The following UGT8 variants were observed in gnomAD, a reference collection of about 807,000 sequenced individuals.
UGT8 encodes the protein 2-hydroxyacylsphingosine 1-beta-galactosyltransferase.
Under a neutral mutation model 40.5 loss-of-function variants are expected in UGT8, and 12 were observed. That is an observed-to-expected ratio of 0.30 (90% CI 0.19 to 0.48). UGT8 has a LOEUF of 0.48. Among genes scored for constraint, UGT8 ranks in the 20% least tolerant of loss-of-function variants. The pLI, the probability that UGT8 is intolerant of heterozygous loss-of-function variation, is 0.99. For missense variants in UGT8, 513 were observed against 648.7 expected, an observed-to-expected ratio of 0.79 and a Z score of 2.27; for synonymous variants, 224 against 240.4, an observed-to-expected ratio of 0.93 and a Z score of 0.63.
intron 1 of UGT8, among the ~76,000 whole-genome samples, chr4:114,610,546 T>G (rs1300596269): frequency 6.6e-6 from 1 of 152,164 alleles, no homozygotes; most frequent in Non-Finnish European, 1.5e-5. Context: ...TAAAGGAACA[T>G]CAAAGAAATT....
intron 5 of UGT8, among the ~76,000 whole-genome samples, chr4:114,669,067 C>G (rs72899458): frequency 0.027 from 4,081 of 152,104 alleles, 200 homozygotes; most frequent in African/African-American, 0.092. Flanking sequence ...GGGGATATGG[C>G]TTAACACTGA....
chr4:114,614,171 G>A (rs555181520), intron 1 of UGT8, among the ~76,000 whole-genome samples: 1 of 152,280 alleles, frequency 6.6e-6, no homozygotes, highest in East Asian at 1.9e-4. Flanking sequence ...GATAACTGCA[G>A]ATACTTGTGT....
chr4:114,612,040 A>G (rs571314026), intron 1 of UGT8, among the ~76,000 whole-genome samples: 1 of 152,258 alleles, frequency 6.6e-6, no homozygotes, highest in South Asian at 2.1e-4. Context: ...CACTTTTCTC[A>G]CATAATGAAA....
Position 114,675,279 on chromosome 4 carries a change from A to G in UGT8, c.1263-646A>G, listed in dbSNP as rs539622939. The stretch of plus-strand genomic sequence containing the variant: ...TCCTGGTTGAAACTTGTTGATTTAT[A>G]CTATTTAAAAGTATGTGGAGAGAAG... On this transcript the variant is annotated intron_variant, in intron 5 of 5. Coordinates refer to ENST00000310836, the MANE Select transcript of UGT8 (RefSeq NM_001128174.3). Among the ~76,000 whole-genome samples the G allele has an allele frequency of 1.1e-4, 16 of 152,288 alleles. No individual in the cohort carries two copies. The South Asian group carries it at 1.2e-3, about 12-fold the overall frequency.
intron 1 of UGT8, among the ~76,000 whole-genome samples, chr4:114,617,926 G>C (rs1476343848): frequency 1.3e-5 from 2 of 152,240 alleles, no homozygotes; most frequent in East Asian, 3.9e-4. Flanking sequence ...ACTTTTGGTA[G>C]AAATCTTTGA....
chr4:114,667,081 C>T (rs151088891), intron 4 of UGT8, among the ~76,000 whole-genome samples: 1 of 152,072 alleles, frequency 6.6e-6, no homozygotes, highest in Non-Finnish European at 1.5e-5. Flanking sequence ...AAATCCACTT[C>T]TAGGGCAGAT....
chr4:114,627,612 G>A (rs1019458170), intron 2 of UGT8, among the ~76,000 whole-genome samples: 2 of 152,116 alleles, frequency 1.3e-5, no homozygotes, highest in African/African-American at 4.8e-5. Context: ...TAATTGGAAA[G>A]TGATTTTAAT....
chr4:114,644,063 A>G (rs1446475797), intron 2 of UGT8, among the ~76,000 whole-genome samples: 1 of 152,206 alleles, frequency 6.6e-6, no homozygotes, highest in Non-Finnish European at 1.5e-5. Flanking sequence ...CACTGAAAAC[A>G]GTGACTGAAT....
chr4:114,673,608 T>C (rs187877270), intron 5 of UGT8, among the ~76,000 whole-genome samples: 4 of 152,352 alleles, frequency 2.6e-5, no homozygotes, highest in Admixed American at 2.6e-4. Flanking sequence ...ATCTGTTTAA[T>C]CTGTTTAATC....
chr4:114,663,123 G>A (rs779669489), intron 2 of UGT8, among the ~76,000 whole-genome samples: 1 of 151,794 alleles, frequency 6.6e-6, no homozygotes, highest in South Asian at 2.1e-4. Context: ...ATGCCTGGCC[G>A]TGATGATACT....
In UGT8 at chr4:114,643,458, G is replaced by T. The variant is rs1480789082; in HGVS notation, c.822+19756G>T. Among the ~76,000 whole-genome samples the T allele has an allele frequency of 2.0e-5, 3 of 152,206 alleles. No individual in the cohort carries two copies. The East Asian group carries it at 5.8e-4, about 29-fold the overall frequency. On this transcript the variant is annotated intron_variant, in intron 2 of 5. Coordinates refer to ENST00000310836, the MANE Select transcript of UGT8 (RefSeq NM_001128174.3). ...GTACTGATAAAGAGAAACTTATGGG[G>T]ATTAGAAAAAATGTTATATTATCAC...
At chr4:114,661,192 A>G (rs1734510224) in intron 2 of UGT8, among the ~76,000 whole-genome samples, 1 of 152,136 alleles carries the variant, frequency 6.6e-6, no homozygotes, top group Non-Finnish European at 1.5e-5. Context: ...AAAATTTGGT[A>G]TTTGACCAGG....
At chr4:114,666,024 C>A (rs1734847632) in intron 4 of UGT8, among the ~76,000 whole-genome samples, 1 of 151,992 alleles carries the variant, frequency 6.6e-6, no homozygotes, top group Admixed American at 6.6e-5. Context: ...TTTTAATTAT[C>A]TGGAAATTAT....
chr4:114,607,121 T>C (rs1465154562), intron 1 of UGT8, among the ~76,000 whole-genome samples: 1 of 152,208 alleles, frequency 6.6e-6, no homozygotes, highest in Non-Finnish European at 1.5e-5. Context: ...TTCTACTGTT[T>C]AGTTCTCATT....
intron 3 of UGT8, among the ~76,000 whole-genome samples, chr4:114,664,816 A>G (rs1477269037): frequency 6.6e-6 from 1 of 152,212 alleles, no homozygotes; most frequent in African/African-American, 2.4e-5. Flanking sequence ...AACTCTAGGG[A>G]TACAACGTCG....
chr4:114,614,559 C>T (rs1731283234), intron 1 of UGT8, among the ~76,000 whole-genome samples: 1 of 152,162 alleles, frequency 6.6e-6, no homozygotes, highest in South Asian at 2.1e-4. Context: ...CCAAAAGCTT[C>T]TGACAGGGAA....
intron 2 of UGT8, among the ~76,000 whole-genome samples, chr4:114,626,482 G>A (rs990009370): frequency 1.3e-5 from 2 of 152,182 alleles, no homozygotes; most frequent in Admixed American, 6.5e-5. Flanking sequence ...GGATGAAAGG[G>A]CAGAGAAAAT....
intron 1 of UGT8, among the ~76,000 whole-genome samples, chr4:114,601,675 ATTC>A: frequency 6.6e-6 from 1 of 152,204 alleles, no homozygotes; most frequent in East Asian, 1.9e-4. Context: ...GATATAAGTT[ATTC>A]TTTCTTGTTG....
At chr4:114,675,432 T>C (rs1321210662) in intron 5 of UGT8, among the ~76,000 whole-genome samples, 1 of 152,152 alleles carries the variant, frequency 6.6e-6, no homozygotes, top group Non-Finnish European at 1.5e-5. Context: ...ATACATTTTA[T>C]TGGGTTAACA....
Sources: allele counts gnomAD v4.1 joint callset (sites outside exome capture counted in the v4.1 genomes callset), GRCh38; gene constraint gnomAD v4.1.1; transcripts MANE v1.5; gene names NCBI Gene and HGNC (gene_info 2026-07-23, HGNC 2026-07-21).